Variants in COPE observed in about 807,000 individuals in gnomAD.
COPE encodes coatomer subunit epsilon.
Under a neutral mutation model 42.1 loss-of-function variants are expected in COPE, and 19 were observed. That is an observed-to-expected ratio of 0.45 (90% CI 0.31 to 0.66). The LOEUF (loss-of-function observed/expected upper bound fraction) is 0.66, where lower values mean the gene tolerates loss of function less well. Among genes scored for constraint, COPE ranks in the 30% least tolerant of loss-of-function variants. The pLI is 0.05. For missense variants in COPE, 402 were observed against 416.1 expected (o/e 0.97, Z 0.30); for synonymous variants, 195 against 181.3 (o/e 1.08, Z -0.60).
At chr19:18,907,858 G>C (rs1487577804) in intron 3 of COPE, among the ~76,000 whole-genome samples, 1 of 152,218 alleles carries the variant, frequency 6.6e-6, no homozygotes, top group African/African-American at 2.4e-5. Context: ...TGTCTGCCCA[G>C]GGCCCGTGTC....
At chr19:18,910,738 C>G in intron 3 of COPE, 1 of 581,368 alleles carries the variant, frequency 1.7e-6, no homozygotes, top group Non-Finnish European at 3.1e-6. Flanking sequence ...GGCGTGTGCA[C>G]ACACAGCACT....
chr19:18,905,986 C>T (rs928182947), intron 4 of COPE: 6 of 438,868 alleles, frequency 1.4e-5, no homozygotes, highest in Admixed American at 8.7e-5. Flanking sequence ...GCCACGCACC[C>T]GCCCCTGCAC....
chr19:18,909,579 T>C (rs1167191005), intron 3 of COPE, among the ~76,000 whole-genome samples: 2 of 151,056 alleles, frequency 1.3e-5, no homozygotes, highest in Admixed American at 6.6e-5. Flanking sequence ...AGTGCACTAG[T>C]GCGATCTTGG....
chr19:18,905,709 G>T, intron 4 of COPE, 80 bp from the exon 5 acceptor site: 1 of 1,423,896 alleles, frequency 7.0e-7, no homozygotes, highest in Non-Finnish European at 9.6e-7. Flanking sequence ...GGCTCACTGT[G>T]TGTGTCTGGG....
intron 6 of COPE, 90 bp downstream of exon 6, chr19:18,904,681 G>T: frequency 8.6e-7 from 1 of 1,156,850 alleles, no homozygotes; most frequent in Non-Finnish European, 1.2e-6. Context: ...CACTGGAGTG[G>T]CCAGCAGCCT....
chr19:18,915,468 G>A (rs2056846603), intron 1 of COPE, among the ~76,000 whole-genome samples: 1 of 152,208 alleles, frequency 6.6e-6, no homozygotes, highest in Non-Finnish European at 1.5e-5. Flanking sequence ...GGTTTTCCTC[G>A]ACTTCCAGGG....
At chr19:18,914,301 A>G (rs559745736) in intron 1 of COPE, among the ~76,000 whole-genome samples, 2 of 152,194 alleles carry the variant, frequency 1.3e-5, no homozygotes, top group South Asian at 4.1e-4. Context: ...GCACTTTGGG[A>G]GGCCGAAGTG....
chr19:18,906,666 G>C (rs145138302), intron 4 of COPE: 26 of 300,922 alleles, frequency 8.6e-5, no homozygotes, highest in East Asian at 5.0e-4. Context: ...AAGGCTTCGT[G>C]GGGGGTGGGG....
intron 2 of COPE, chr19:18,911,329 C>T: frequency 4.0e-6 from 2 of 497,584 alleles, no homozygotes; most frequent in Non-Finnish European, 7.4e-6. Context: ...CTGTCTATCC[C>T]CTGGCAGCTG....
At chr19:18,906,887 C>T (rs954186401) in intron 4 of COPE, 73 bp downstream of exon 4, 25 of 1,461,518 alleles carry the variant, frequency 1.7e-5, no homozygotes, top group African/African-American at 4.2e-5. Context: ...CCAGCGAGGC[C>T]GTGCGCAGCC....
At position 18,902,825 on chromosome 19, in the gene COPE, G is replaced by GAAAAGAAAAGAAAAGAAAAGAAAAGAA. The variant is rs373721731; in HGVS notation, c.735+442_735+443insTTCTTTTCTTTTCTTTTCTTTTCTTTT. ...GGAAGGAAGGAAGGAAGGAAGGAAG[G>GAAAAGAAAAGAAAAGAAAAGAAAAGAA]AAGAAAAGACTGCAGACATCAGGCA... On this transcript the variant is annotated intron_variant, in intron 7 of 9. Transcript: ENST00000262812. Among the ~76,000 whole-genome samples the GAAAAGAAAAGAAAAGAAAAGAAAAGAA allele has an allele frequency of 1.4e-4, 4 of 28,634 alleles. No homozygotes were observed. In the Admixed American group the frequency reaches 1.6e-3, roughly 11 times the overall value. The allele number at this position is 28,634 out of a possible 152,430, so 18.8% of individuals were successfully genotyped here. A position where few individuals can be genotyped will look rare whatever the true frequency, so the allele number is the denominator to read the frequency against.
At position 18,903,432 on chromosome 19, in the gene COPE, A is replaced by G; in HGVS notation, c.580-9T>C. On this transcript the variant is annotated splice_polypyrimidine_tract_variant and intron_variant, in intron 6 of 9. Transcript: ENST00000262812. The stretch of plus-strand genomic sequence containing the variant: ...TGCAGCTTCTCACCACCCTGCAGGG[A>G]GGGTCCCGCATCATTGCCTGTGCCC... 1.2e-6 allele frequency: 2 copies of G among 1,600,800 alleles called. No homozygotes were observed. The highest frequency in any genetic ancestry group is 1.7e-6 in the Non-Finnish European group (2 of 1,172,902).
intron 2 of COPE, among the ~76,000 whole-genome samples, chr19:18,911,680 T>C (rs1758722494): frequency 6.6e-6 from 1 of 151,412 alleles, no homozygotes; most frequent in South Asian, 2.1e-4. Context: ...GCCTCCCGAG[T>C]AGCTGAGACT....
chr19:18,908,050 CT>C (rs2056777079), intron 3 of COPE, among the ~76,000 whole-genome samples: 1 of 152,212 alleles, frequency 6.6e-6, no homozygotes, highest in Non-Finnish European at 1.5e-5. Context: ...TCTTACAAAG[CT>C]TCCTGAGGCT....
chr19:18,914,891 C>T (rs577794891), intron 1 of COPE, among the ~76,000 whole-genome samples: 46 of 151,138 alleles, frequency 3.0e-4, no homozygotes, highest in Non-Finnish European at 5.9e-4. Context: ...CGAGTAGCCG[C>T]GACTATATGT....
At chr19:18,918,162 C>T (rs1339205357) in intron 1 of COPE, among the ~76,000 whole-genome samples, 2 of 128,194 alleles carry the variant, frequency 1.6e-5, no homozygotes, top group African/African-American at 6.2e-5. Context: ...GCACTCCAGC[C>T]TGGCAACAGC....
intron 9 of COPE, 73 bp from the exon 10 acceptor site, chr19:18,899,799 C>A: frequency 6.2e-7 from 1 of 1,608,794 alleles, no homozygotes. Context: ...AGAGAGAGGG[C>A]GCATGTGAGC....
chr19:18,905,890 C>CA, intron 4 of COPE: 1 of 539,798 alleles, frequency 1.9e-6, no homozygotes, highest in South Asian at 2.6e-5. Context: ...AAGCAGCCTC[C>CA]ATGGGCTGTG....
rs2056721016 is a variant in COPE, at chr19:18,902,824, G to GA, written c.735+443_735+444insT. Among the ~76,000 whole-genome samples, 2 of 83,860 alleles carry GA rather than the reference G, an allele frequency of 2.4e-5. 1 individual carries two copies. The highest frequency in any genetic ancestry group is 2.3e-4 in the African/African-American group (2 of 8,842). The allele number at this position is 83,860 out of a possible 152,430, so 55.0% of individuals were successfully genotyped here. ...AGGAAGGAAGGAAGGAAGGAAGGAA[G>GA]GAAGAAAAGACTGCAGACATCAGGC... On this transcript the variant is annotated intron_variant, in intron 7 of 9. Coordinates refer to ENST00000262812, the MANE Select transcript of COPE (RefSeq NM_007263.4).
Sources: gnomAD v4.1 joint callset for allele counts (sites outside exome capture counted in the v4.1 genomes callset) on GRCh38, gnomAD v4.1.1 for gene constraint, MANE v1.5 for transcripts, NCBI Gene and HGNC (gene_info 2026-07-23, HGNC 2026-07-21) for gene names.